VAV3: variants seen among roughly 807,000 people sequenced by gnomAD.
VAV3 encodes vav guanine nucleotide exchange factor 3.
In VAV3, 94 loss-of-function variants were observed where a neutral mutation model predicts 131.2. That is an observed-to-expected ratio of 0.72 (90% CI 0.61 to 0.85). The LOEUF (loss-of-function observed/expected upper bound fraction) is 0.85. Ranked by LOEUF, VAV3 falls within the 40% of genes least tolerant of loss-of-function variation. The pLI, the probability that VAV3 is intolerant of heterozygous loss-of-function variation, is 0.00. For missense variants in VAV3, 939 were observed against 1,002.7 expected, an observed-to-expected ratio of 0.94 and a Z score of 0.86; for synonymous variants, 349 against 342.0, an observed-to-expected ratio of 1.02 and a Z score of -0.22.
intron 1 of VAV3, among the ~76,000 whole-genome samples, chr1:107,891,929 G>A (rs181508494): frequency 4.6e-4 from 70 of 151,042 alleles, no homozygotes; most frequent in African/African-American, 1.7e-3. Flanking sequence ...AACTTGAAAG[G>A]TAACCTATCC....
At chr1:107,671,809 T>C (rs1557750601) in intron 19 of VAV3, among the ~76,000 whole-genome samples, 1 of 152,224 alleles carries the variant, frequency 6.6e-6, no homozygotes, top group Non-Finnish European at 1.5e-5. Flanking sequence ...ACTATTTCAA[T>C]ATTAAGTATT....
chr1:107,884,247 A>T (rs1015937387), intron 1 of VAV3, among the ~76,000 whole-genome samples: 1 of 151,806 alleles, frequency 6.6e-6, no homozygotes, highest in African/African-American at 2.4e-5. Context: ...GAAGAGTACA[A>T]TTGGGTTGTT....
intron 9 of VAV3, among the ~76,000 whole-genome samples, chr1:107,761,260 G>A (rs1252168040): frequency 6.6e-6 from 1 of 151,896 alleles, no homozygotes; most frequent in Non-Finnish European, 1.5e-5. Context: ...GGTCATGGTG[G>A]CAGGTGCCTG....
intron 2 of VAV3, among the ~76,000 whole-genome samples, chr1:107,788,259 CCAGCCCCA>C (rs1666121592): frequency 2.6e-5 from 4 of 152,022 alleles, no homozygotes; most frequent in Admixed American, 2.6e-4. Flanking sequence ...TACCACCATG[CCAGCCCCA>C]AAATTCTTAA....
At chr1:107,574,977 G>C (rs1649509768) in intron 25 of VAV3, among the ~76,000 whole-genome samples, 1 of 26,120 alleles carries the variant, frequency 3.8e-5, no homozygotes, top group African/African-American at 8.0e-5. Flanking sequence ...GTGTGTGTGT[G>C]TGTGTGTGTG....
intron 19 of VAV3, among the ~76,000 whole-genome samples, chr1:107,669,653 TTC>T (rs984708764): frequency 7.2e-5 from 11 of 152,194 alleles, no homozygotes; most frequent in African/African-American, 2.7e-4. Flanking sequence ...AAATTGGTGT[TTC>T]TGTTTTCCAG....
intron 19 of VAV3, among the ~76,000 whole-genome samples, chr1:107,666,689 C>A (rs954679061): frequency 2.6e-5 from 4 of 151,886 alleles, no homozygotes; most frequent in African/African-American, 9.7e-5. Flanking sequence ...CCTGCCTCAG[C>A]GTCCTGAGTG....
intron 1 of VAV3, among the ~76,000 whole-genome samples, chr1:107,886,659 T>A (rs962815756): frequency 2.0e-5 from 3 of 152,160 alleles, no homozygotes; most frequent in African/African-American, 7.2e-5. Flanking sequence ...TTCTTATGAA[T>A]CTTATTCATC....
chr1:107,696,478 A>C (rs916392352), intron 17 of VAV3, among the ~76,000 whole-genome samples: 3 of 152,150 alleles, frequency 2.0e-5, no homozygotes, highest in African/African-American at 7.2e-5. Context: ...CACGCCAACT[A>C]TGCAATGTTT....
At chr1:107,588,694 T>C (rs1267231523) in intron 25 of VAV3, among the ~76,000 whole-genome samples, 3 of 152,354 alleles carry the variant, frequency 2.0e-5, no homozygotes, top group East Asian at 1.9e-4. Flanking sequence ...ATTTCTTATA[T>C]ATCTGTTTGA....
chr1:107,686,701 C>G (rs201023623), intron 18 of VAV3, among the ~76,000 whole-genome samples: 30 of 152,150 alleles, frequency 2.0e-4, no homozygotes, highest in East Asian at 5.8e-4. Context: ...AAGAGTGAAA[C>G]AAGTCACTAA....
At chr1:107,683,563 A>G (rs1658799763) in intron 18 of VAV3, 30 bp from the exon 19 acceptor site, 1 of 1,612,154 alleles carries the variant, frequency 6.2e-7, no homozygotes, top group African/African-American at 1.3e-5. Flanking sequence ...AAAGCAAAAC[A>G]AATATGTGTT....
chr1:107,603,672 C>CA (rs1652038456), intron 22 of VAV3, among the ~76,000 whole-genome samples: 1 of 151,570 alleles, frequency 6.6e-6, no homozygotes, highest in Non-Finnish European at 1.5e-5. Flanking sequence ...TTTTCTTAAG[C>CA]AATTAGTAAT....
intron 25 of VAV3, 111 bp from the exon 26 acceptor site, chr1:107,574,309 T>A: frequency 2.2e-6 from 3 of 1,339,480 alleles, no homozygotes; most frequent in Non-Finnish European, 3.0e-6. Flanking sequence ...GTGATTTCAT[T>A]ACAGACCAGC....
rs373676319 is a variant in VAV3 at position 107,749,547 on chromosome 1, C to A, written c.1307G>T (p.Gly436Val). The change falls in exon 14 of 27, where the codon GGT becomes GTT. Residue 436 changes from glycine to valine, a missense_variant. Gly to Val is a moderately radical substitution (Grantham distance 109, BLOSUM62 -3). Transcript: ENST00000370056. Reference sequence around the variant, plus strand: ...TATTTCCTTCATTTCATAGTTATCACCTTTTCTCTTACATACGATCACTGC... The same window carrying A: ...TATTTCCTTCATTTCATAGTTATCAACTTTTCTCTTACATACGATCACTGC... ...DLAVIVCKRK[G>V]DNYEMKEIID... is the part of the protein sequence containing the mutation. The A allele has an allele frequency of 6.2e-7, 1 of 1,611,728 alleles. No homozygotes were observed. Among genetic ancestry groups the A allele is most frequent in the Admixed American group, 1.7e-5 (1 of 59,612 alleles).
At chr1:107,865,369 A>G (rs1486677167) in intron 2 of VAV3, among the ~76,000 whole-genome samples, 2 of 152,188 alleles carry the variant, frequency 1.3e-5, no homozygotes, top group Admixed American at 6.5e-5. Flanking sequence ...GATAAAGCAC[A>G]TAATTTCAGA....
intron 1 of VAV3, among the ~76,000 whole-genome samples, chr1:107,949,595 T>C (rs935221395): frequency 6.6e-6 from 1 of 152,172 alleles, no homozygotes; most frequent in Admixed American, 6.5e-5. Context: ...GCCTGAACAT[T>C]ATCATCTTAA....
intron 17 of VAV3, among the ~76,000 whole-genome samples, chr1:107,693,067 G>C (rs751735407): frequency 6.6e-6 from 1 of 152,094 alleles, no homozygotes; most frequent in African/African-American, 2.4e-5. Context: ...AGAAGGAAAC[G>C]ACACCCTAAA....
chr1:107,887,002 T>C (rs1671067370), intron 1 of VAV3, among the ~76,000 whole-genome samples: 1 of 152,186 alleles, frequency 6.6e-6, no homozygotes, highest in East Asian at 1.9e-4. Context: ...ACAAAGAAAG[T>C]CTGTAAAGTA....
Sources: gnomAD v4.1 joint callset for allele counts (sites outside exome capture counted in the v4.1 genomes callset) on GRCh38, gnomAD v4.1.1 for gene constraint, MANE v1.5 for transcripts, NCBI Gene and HGNC (gene_info 2026-07-23, HGNC 2026-07-21) for gene names.